Variants in TRPM3 observed in about 807,000 individuals in gnomAD.
The protein encoded by TRPM3 is transient receptor potential cation channel subfamily M member 3, also known as long transient receptor potential channel 3.
TRPM3 carries 77 observed loss-of-function variants against 181.2 expected under a neutral mutation model. The ratio of observed to expected loss-of-function variants is 0.42; its 90% CI spans 0.35 to 0.51. The LOEUF is 0.51. Ranked by LOEUF, TRPM3 falls within the 20% of genes least tolerant of loss-of-function variation. The probability of loss-of-function intolerance (pLI) is 0.01; values close to 1 mark genes in which losing one functional copy is unlikely to be tolerated. For missense variants in TRPM3, 1,759 were observed against 2,196.7 expected (o/e 0.80, Z 3.98); for synonymous variants, 745 against 796.4 (o/e 0.94, Z 1.09).
At chr9:70,568,605 C>G (rs2051291401) in intron 22 of TRPM3, among the ~76,000 whole-genome samples, 1 of 152,172 alleles carries the variant, frequency 6.6e-6, no homozygotes, top group African/African-American at 2.4e-5. Flanking sequence ...AAAGTAGATA[C>G]TATTATTATG....
intron 1 of TRPM3, among the ~76,000 whole-genome samples, chr9:71,025,110 T>C (rs142602252): frequency 3.5e-4 from 54 of 152,340 alleles, no homozygotes; most frequent in African/African-American, 1.3e-3. Context: ...CCCTTGGCAA[T>C]GTATTTATTT....
chr9:71,369,949 G>A (rs2092458859), intron 1 of TRPM3, among the ~76,000 whole-genome samples: 1 of 152,104 alleles, frequency 6.6e-6, no homozygotes, highest in Admixed American at 6.5e-5. Context: ...TCTTACAGTA[G>A]TTCGAACTTT....
intron 6 of TRPM3, chr9:70,811,245 C>A: frequency 6.2e-7 from 1 of 1,604,894 alleles, no homozygotes; most frequent in African/African-American, 1.3e-5. Flanking sequence ...GGCAGGCATC[C>A]TGTCAAAAAA....
intron 25 of TRPM3, among the ~76,000 whole-genome samples, chr9:70,543,853 T>C (rs2044161378): frequency 6.6e-6 from 1 of 152,168 alleles, no homozygotes; most frequent in Admixed American, 6.5e-5. Context: ...GATGCTTTCA[T>C]CAAGAGTCTG....
chr9:71,388,744 A>G (rs2092988801), intron 1 of TRPM3, among the ~76,000 whole-genome samples: 1 of 152,064 alleles, frequency 6.6e-6, no homozygotes, highest in Non-Finnish European at 1.5e-5. Flanking sequence ...ACTCAACAAC[A>G]ACAAAAAAGA....
At chr9:70,998,222 T>G (rs1386969643) in intron 1 of TRPM3, among the ~76,000 whole-genome samples, 1 of 138,584 alleles carries the variant, frequency 7.2e-6, no homozygotes, top group Non-Finnish European at 1.6e-5. Context: ...CACATATATA[T>G]ACATATACAC....
At chr9:71,386,497 G>C in intron 1 of TRPM3, among the ~76,000 whole-genome samples, 1 of 151,608 alleles carries the variant, frequency 6.6e-6, no homozygotes, top group East Asian at 1.9e-4. Flanking sequence ...ACATTCCGAA[G>C]AGCTGAGTTG....
chr9:70,839,302 C>T (rs1221067025), intron 5 of TRPM3, among the ~76,000 whole-genome samples: 3 of 152,166 alleles, frequency 2.0e-5, no homozygotes, highest in Admixed American at 2.0e-4. Flanking sequence ...AAATGCTCTA[C>T]ACTTAAGTAA....
intron 9 of TRPM3, among the ~76,000 whole-genome samples, chr9:70,651,882 A>G (rs1051149722): frequency 6.6e-6 from 1 of 152,164 alleles, no homozygotes; most frequent in Non-Finnish European, 1.5e-5. Context: ...GAGTGTTCTG[A>G]TCAAAGCTTT....
In TRPM3 at chr9:70,786,749, G is replaced by A. The variant is rs568945277; in HGVS notation, c.974-2470C>T. Among the ~76,000 whole-genome samples the A allele has an allele frequency of 7.2e-4, 109 of 152,218 alleles. 1 individual carries two copies. The highest frequency in any genetic ancestry group is 2.5e-3 in the African/African-American group (105 of 41,540). Reference sequence around the variant, plus strand: ...TTTCCCTTGATTTGCTTTAGCATATGCTCCTATGTCATTGACTTTGTATTA... The same window carrying A: ...TTTCCCTTGATTTGCTTTAGCATATACTCCTATGTCATTGACTTTGTATTA... On this transcript the variant is annotated intron_variant, in intron 6 of 25. Transcript: ENST00000677713.
chr9:70,886,342 C>T (rs2096082098), intron 1 of TRPM3, among the ~76,000 whole-genome samples: 1 of 152,140 alleles, frequency 6.6e-6, no homozygotes, highest in African/African-American at 2.4e-5. Context: ...AATGGGAACT[C>T]CCAAGGAGTT....
chr9:71,209,390 GA>G (rs1169097078), intron 1 of TRPM3, among the ~76,000 whole-genome samples: 1 of 56,142 alleles, frequency 1.8e-5, no homozygotes, highest in Non-Finnish European at 4.1e-5. Context: ...GGGGTAGGGA[GA>G]GGGGGAAGGA....
intron 1 of TRPM3, among the ~76,000 whole-genome samples, chr9:71,252,888 T>A (rs968085916): frequency 7.1e-6 from 1 of 140,664 alleles, no homozygotes; most frequent in African/African-American, 2.6e-5. Flanking sequence ...AGTCTTTCAA[T>A]GTTGCCCAGG....
intron 1 of TRPM3, among the ~76,000 whole-genome samples, chr9:70,929,783 GTT>G (rs2096757248): frequency 6.6e-6 from 1 of 152,114 alleles, no homozygotes; most frequent in South Asian, 2.1e-4. Context: ...ATTTAAAAAG[GTT>G]TTTGTTTGTT....
chr9:71,192,268 T>A (rs1397397012), intron 1 of TRPM3, among the ~76,000 whole-genome samples: 1 of 151,744 alleles, frequency 6.6e-6, no homozygotes, highest in African/African-American at 2.4e-5. Context: ...AGAAGAGAGT[T>A]TGAATGAATA....
chr9:70,574,930 T>G (rs902050403), intron 22 of TRPM3, among the ~76,000 whole-genome samples: 6 of 151,888 alleles, frequency 4.0e-5, no homozygotes, highest in African/African-American at 1.5e-4. Flanking sequence ...TTTTTTCTTT[T>G]CTTTCTTTTT....
At chr9:71,364,673 T>C (rs1352310649) in intron 1 of TRPM3, among the ~76,000 whole-genome samples, 1 of 152,218 alleles carries the variant, frequency 6.6e-6, no homozygotes, top group Non-Finnish European at 1.5e-5. Context: ...AAGGACTTCA[T>C]GGACAAGACA....
chr9:70,782,488 A>C (rs1243906167), intron 7 of TRPM3, among the ~76,000 whole-genome samples: 8 of 152,188 alleles, frequency 5.3e-5, no homozygotes, highest in Non-Finnish European at 7.3e-5. Context: ...CTGGGATTAT[A>C]GGCATGAGCC....
intron 9 of TRPM3, among the ~76,000 whole-genome samples, chr9:70,641,814 T>C (rs1336347891): frequency 6.6e-6 from 1 of 152,062 alleles, no homozygotes; most frequent in Admixed American, 6.6e-5. Context: ...GAGGGGAAGC[T>C]GGAAATGGAG....
Sources: allele counts gnomAD v4.1 joint callset (sites outside exome capture counted in the v4.1 genomes callset), GRCh38; gene constraint gnomAD v4.1.1; transcripts MANE v1.5; gene names NCBI Gene and HGNC (gene_info 2026-07-23, HGNC 2026-07-21).